The following SYN3 variants were observed in gnomAD, a reference collection of about 807,000 sequenced individuals.
SYN3 encodes the protein synapsin III.
SYN3 carries 35 observed loss-of-function variants against 65.8 expected under a neutral mutation model. The ratio of observed to expected loss-of-function variants is 0.53; its 90% CI spans 0.41 to 0.70. SYN3 has a LOEUF of 0.70. SYN3 is among the 30% of genes least tolerant of loss of function. SYN3 has a pLI of 0.00. For synonymous variants in SYN3, 270 were observed against 292.9 expected, an observed-to-expected ratio of 0.92 and a Z score of 0.80; for missense variants, 680 against 749.0, an observed-to-expected ratio of 0.91 and a Z score of 1.08.
chr22:32,757,584 ACCGTGCCCGG>A (rs2045333080), intron 6 of SYN3, among the ~76,000 whole-genome samples: 1 of 151,784 alleles, frequency 6.6e-6, no homozygotes, highest in Non-Finnish European at 1.5e-5. Flanking sequence ...GGCGTGAACC[ACCGTGCCCGG>A]CCTGGGCTCC....
In SYN3 at chr22:32,528,001, G is replaced by A. The variant is rs1340978522; in HGVS notation, c.1235C>T (p.Pro412Leu). The change falls in exon 12 of 14, where the codon CCA becomes CTA. Residue 412 changes from proline to leucine, a missense_variant. Pro to Leu is a moderately conservative substitution (Grantham distance 98). Transcript: ENST00000358763. The stretch of plus-strand genomic sequence containing the variant: ...TGGGGATTTCGCTGATTTAATCTGT[G>A]GAGCCTAGAGCAGAAGAGAAAAGAA... ...TAPSPLRPWA[P>L]QIKSAKSPGQ... is the part of the protein sequence containing the mutation. The A allele has an allele frequency of 3.2e-6, 5 of 1,573,752 alleles. No individual in the cohort carries two copies. The highest frequency in any genetic ancestry group is 4.3e-6 in the Non-Finnish European group (5 of 1,157,940).
At position 32,849,517 on chromosome 22, in the gene SYN3, A is replaced by G. The variant is rs754619737; in HGVS notation, c.711+15398T>C. Reference sequence around the variant, plus strand: ...GGGGCCCTTCGGCACGCTGGTCTACACCATCAAGCAGATGAAGGTAGGTAA... The same window carrying G: ...GGGGCCCTTCGGCACGCTGGTCTACGCCATCAAGCAGATGAAGGTAGGTAA... On this transcript the variant is annotated intron_variant, in intron 6 of 13. Transcript: ENST00000358763. 1.6e-5 allele frequency: 26 copies of G among 1,613,364 alleles called. No homozygotes were observed. The East Asian group carries it at 5.4e-4, about 33-fold the overall frequency.
chr22:32,907,367 C>A (rs2049929284), intron 4 of SYN3, among the ~76,000 whole-genome samples: 1 of 152,174 alleles, frequency 6.6e-6, no homozygotes, highest in African/African-American at 2.4e-5. Context: ...CAAGCTTGAC[C>A]TCTAAACCCC....
chr22:32,859,208 T>C, intron 6 of SYN3: 1 of 1,614,198 alleles, frequency 6.2e-7, no homozygotes, highest in Non-Finnish European at 8.5e-7. Flanking sequence ...CTGCCTTGCT[T>C]TGTGACTTCC....
intron 4 of SYN3, among the ~76,000 whole-genome samples, chr22:32,874,327 C>T (rs532895411): frequency 2.6e-5 from 4 of 152,224 alleles, no homozygotes; most frequent in South Asian, 4.2e-4. Context: ...CACCTTTAAC[C>T]GTAATATGAG....
intron 2 of SYN3, among the ~76,000 whole-genome samples, chr22:32,986,949 T>G (rs2052545668): frequency 6.6e-6 from 1 of 151,256 alleles, no homozygotes; most frequent in African/African-American, 2.4e-5. Flanking sequence ...TTGAGGGAGG[T>G]GGGAAGTGTG....
chr22:32,860,301 C>T (rs1206478868), intron 6 of SYN3: 1 of 152,590 alleles, frequency 6.6e-6, no homozygotes. Flanking sequence ...ACACTATCCA[C>T]AGATATAGCC....
intron 6 of SYN3, among the ~76,000 whole-genome samples, chr22:32,641,465 G>T (rs1055986675): frequency 6.6e-6 from 1 of 152,016 alleles, no homozygotes; most frequent in Non-Finnish European, 1.5e-5. Context: ...AAAATTAGCT[G>T]GGCGTGGTGG....
At chr22:32,637,027 T>C (rs1762869374) in intron 6 of SYN3, among the ~76,000 whole-genome samples, 1 of 152,154 alleles carries the variant, frequency 6.6e-6, no homozygotes, top group Admixed American at 6.5e-5. Context: ...GAGGTGGAGG[T>C]GCACAGTCTG....
intron 4 of SYN3, among the ~76,000 whole-genome samples, chr22:32,914,537 G>A (rs1471129676): frequency 1.1e-4 from 16 of 150,750 alleles, no homozygotes; most frequent in African/African-American, 2.2e-4. Flanking sequence ...TCCCAGGTTC[G>A]TGCCATTCTC....
At chr22:32,531,400 C>T (rs1341472334) in intron 10 of SYN3, among the ~76,000 whole-genome samples, 1 of 152,064 alleles carries the variant, frequency 6.6e-6, no homozygotes, top group South Asian at 2.1e-4. Flanking sequence ...GTCTCTGTTT[C>T]CTACATTCCC....
intron 3 of SYN3, among the ~76,000 whole-genome samples, chr22:32,971,801 A>G (rs1313150703): frequency 2.0e-5 from 3 of 151,640 alleles, no homozygotes; most frequent in Non-Finnish European, 4.4e-5. Context: ...GCCTGGGGGG[A>G]GGTTTATTAG....
chr22:32,599,557 G>A (rs1383720034), intron 6 of SYN3, among the ~76,000 whole-genome samples: 5 of 151,844 alleles, frequency 3.3e-5, no homozygotes, highest in South Asian at 4.2e-4. Flanking sequence ...TCCTGACCTC[G>A]TGATCCGCCC....
At chr22:32,835,558 G>A (rs949246173) in intron 6 of SYN3, among the ~76,000 whole-genome samples, 4 of 152,142 alleles carry the variant, frequency 2.6e-5, no homozygotes, top group African/African-American at 7.2e-5. Flanking sequence ...GGGTAATGGG[G>A]AGCAGAAGAG....
At chr22:32,746,625 C>A (rs749667950) in intron 6 of SYN3, among the ~76,000 whole-genome samples, 9 of 152,190 alleles carry the variant, frequency 5.9e-5, no homozygotes, top group Non-Finnish European at 1.2e-4. Context: ...ATTCTTCCAG[C>A]ACAGGTACAG....
intron 3 of SYN3, among the ~76,000 whole-genome samples, chr22:32,955,463 G>C (rs1236055539): frequency 6.6e-6 from 1 of 151,984 alleles, no homozygotes; most frequent in African/African-American, 2.4e-5. Context: ...GGGGATGAGG[G>C]GCCCAGGCAA....
At chr22:33,041,093 A>G (rs2053956760) in intron 1 of SYN3, among the ~76,000 whole-genome samples, 1 of 150,558 alleles carries the variant, frequency 6.6e-6, no homozygotes. Flanking sequence ...TTTCTTTTGT[A>G]TTTTTAGTAG....
At chr22:33,008,924 CAAAAAAAAAAAAAAAAAAAAAAAAAAAA>C (rs201719238) in intron 1 of SYN3, among the ~76,000 whole-genome samples, 9 of 57,090 alleles carry the variant, frequency 1.6e-4, no homozygotes, top group Admixed American at 4.6e-4. Flanking sequence ...GACTTTATCT[CAAAAAAAAAAAAAAAAAAAAAAAAAAAA>C]AAAAAAAAAA....
intron 7 of SYN3, among the ~76,000 whole-genome samples, chr22:32,575,604 C>T (rs1455355552): frequency 6.6e-6 from 1 of 152,190 alleles, no homozygotes; most frequent in Non-Finnish European, 1.5e-5. Flanking sequence ...AATGTTTGCT[C>T]CTCCACTCAC....
Sources: allele counts gnomAD v4.1 joint callset (sites outside exome capture counted in the v4.1 genomes callset), GRCh38; gene constraint gnomAD v4.1.1; transcripts MANE v1.5; gene names NCBI Gene and HGNC (gene_info 2026-07-23, HGNC 2026-07-21).